The following MAST4 variants were observed in gnomAD, a reference collection of about 807,000 sequenced individuals.
The protein encoded by MAST4 is microtubule-associated serine/threonine-protein kinase 4.
A neutral mutation model predicts 162.7 loss-of-function variants in MAST4; 89 were observed. That is an observed-to-expected ratio of 0.55 (90% CI 0.46 to 0.65). The LOEUF (loss-of-function observed/expected upper bound fraction) is 0.65, where lower values mean the gene tolerates loss of function less well. MAST4 is among the 30% of genes least tolerant of loss of function. The probability of loss-of-function intolerance (pLI) is 0.00; values close to 1 mark genes in which losing one functional copy is unlikely to be tolerated. For missense variants in MAST4, 3,153 were observed against 3,374.0 expected, an observed-to-expected ratio of 0.93 and a Z score of 1.62; for synonymous variants, 1,479 against 1,361.1, an observed-to-expected ratio of 1.09 and a Z score of -1.91.
intron 3 of MAST4, among the ~76,000 whole-genome samples, chr5:66,839,037 G>A (rs1225014280): frequency 2.6e-5 from 4 of 152,166 alleles, no homozygotes; most frequent in African/African-American, 4.8e-5. Context: ...TGAGGAGGTG[G>A]TAGATGATGC....
chr5:67,029,556 TAGGCTGG>T (rs1262833916), intron 4 of MAST4, among the ~76,000 whole-genome samples: 1 of 152,142 alleles, frequency 6.6e-6, no homozygotes, highest in African/African-American at 2.4e-5. Flanking sequence ...AAAAGGAAAT[TAGGCTGG>T]AGAGGTTTGA....
At chr5:66,679,185 G>C (rs898094374) in intron 1 of MAST4, among the ~76,000 whole-genome samples, 2 of 152,196 alleles carry the variant, frequency 1.3e-5, no homozygotes, top group African/African-American at 4.8e-5. Flanking sequence ...AGGTGAAAAT[G>C]ATGTGAGCCT....
chr5:67,102,656 AC>A (rs1765153977), intron 9 of MAST4, 45 bp downstream of exon 9: 1 of 1,479,674 alleles, frequency 6.8e-7, no homozygotes, highest in African/African-American at 1.4e-5. Context: ...ACGAACAGGC[AC>A]CATAGGTTTA....
At chr5:66,891,256 T>C (rs576707481) in intron 3 of MAST4, among the ~76,000 whole-genome samples, 7 of 152,162 alleles carry the variant, frequency 4.6e-5, no homozygotes, top group Non-Finnish European at 8.8e-5. Context: ...ACAACTATTC[T>C]AAATCAGCCC....
chr5:67,078,726 T>G (rs1395717883), intron 5 of MAST4, among the ~76,000 whole-genome samples: 2 of 137,334 alleles, frequency 1.5e-5, no homozygotes, highest in Non-Finnish European at 3.1e-5. Context: ...TATATTATAT[T>G]TATATTTATC....
intron 4 of MAST4, among the ~76,000 whole-genome samples, chr5:66,948,678 ACTT>A (rs1174588168): frequency 2.0e-5 from 3 of 152,166 alleles, no homozygotes; most frequent in African/African-American, 7.2e-5. Context: ...GGCAAGCTGG[ACTT>A]CTTAAGATGG....
intron 1 of MAST4, among the ~76,000 whole-genome samples, chr5:66,640,349 C>T (rs982529674): frequency 2.6e-5 from 4 of 151,210 alleles, no homozygotes; most frequent in Admixed American, 2.6e-4. Context: ...GCTCTGTTGC[C>T]CAGGCTGCAC....
At chr5:67,107,792 T>G (rs1349104592) in intron 10 of MAST4, among the ~76,000 whole-genome samples, 1 of 152,232 alleles carries the variant, frequency 6.6e-6, no homozygotes, top group African/African-American at 2.4e-5. Flanking sequence ...TGCTTTTATG[T>G]CTCCATTCTT....
At chr5:67,137,133 A>G (rs1769760067) in intron 19 of MAST4, among the ~76,000 whole-genome samples, 1 of 152,202 alleles carries the variant, frequency 6.6e-6, no homozygotes, top group African/African-American at 2.4e-5. Context: ...CAGTACTTGG[A>G]CTAATTACTA....
chr5:67,146,773 A>G (rs1771135873), intron 23 of MAST4, among the ~76,000 whole-genome samples: 1 of 152,190 alleles, frequency 6.6e-6, no homozygotes, highest in African/African-American at 2.4e-5. Flanking sequence ...AATTCCACTT[A>G]TCCTAATCAT....
intron 2 of MAST4, 63 bp from the exon 3 acceptor site, chr5:66,788,607 C>CCAAACAAAAAAAAAACA: frequency 7.3e-7 from 1 of 1,373,728 alleles, no homozygotes; most frequent in Non-Finnish European, 1.0e-6. Context: ...CCCCCACCCC[C>CCAAACAAAAAAAAAACA]ATTGCAATAA....
chr5:66,637,732 G>T (rs1002082663), intron 1 of MAST4, among the ~76,000 whole-genome samples: 1 of 151,890 alleles, frequency 6.6e-6, no homozygotes, highest in Admixed American at 6.6e-5. Context: ...TTGAGACAGG[G>T]TCTTACTCTG....
rs530831310 is a variant in MAST4 at position 66,655,265 on chromosome 5, T to G, written c.363+58247T>G. Among the ~76,000 whole-genome samples, 80 of 152,278 alleles carry G rather than the reference T, an allele frequency of 5.3e-4. No homozygotes were observed. In the South Asian group the frequency reaches 0.015, roughly 29 times the overall value. On this transcript the variant is annotated intron_variant, in intron 1 of 28. Transcript: ENST00000403625. Reference sequence around the variant, plus strand: ...TTAAAATAAAAAAAATTGGGGTTCATGGGATTTTCATAGATGAATAAGTTT... The same window carrying G: ...TTAAAATAAAAAAAATTGGGGTTCAGGGGATTTTCATAGATGAATAAGTTT...
chr5:66,680,654 G>T (rs1163921332), intron 1 of MAST4, among the ~76,000 whole-genome samples: 1 of 152,130 alleles, frequency 6.6e-6, no homozygotes, highest in Non-Finnish European at 1.5e-5. Context: ...CATACTTCTG[G>T]GGGAGAGAAA....
intron 3 of MAST4, among the ~76,000 whole-genome samples, chr5:66,815,339 A>G (rs949513387): frequency 2.6e-5 from 4 of 152,318 alleles, no homozygotes; most frequent in Non-Finnish European, 4.4e-5. Flanking sequence ...TGTGGTTTAA[A>G]TGGGTGAATA....
intron 1 of MAST4, among the ~76,000 whole-genome samples, chr5:66,691,705 C>T (rs926377808): frequency 6.6e-6 from 1 of 152,060 alleles, no homozygotes; most frequent in Non-Finnish European, 1.5e-5. Flanking sequence ...CCTGAGATAG[C>T]TTTTATAAGG....
chr5:66,992,685 GA>G (rs1750191363), intron 4 of MAST4, among the ~76,000 whole-genome samples: 1 of 152,230 alleles, frequency 6.6e-6, no homozygotes, highest in African/African-American at 2.4e-5. Flanking sequence ...AGTTGTGAAA[GA>G]GGAAGAAATG....
chr5:66,608,677 C>G (rs1456644506), intron 1 of MAST4, among the ~76,000 whole-genome samples: 2 of 151,924 alleles, frequency 1.3e-5, no homozygotes, highest in Admixed American at 6.6e-5. Flanking sequence ...GTCATCTCAC[C>G]CATTCAAATG....
intron 4 of MAST4, among the ~76,000 whole-genome samples, chr5:66,933,595 G>A (rs1419836296): frequency 6.6e-6 from 1 of 152,026 alleles, no homozygotes; most frequent in Non-Finnish European, 1.5e-5. Flanking sequence ...GCTCTCTCAT[G>A]GACCTTCTCC....
Sources: gnomAD v4.1 joint callset for allele counts (sites outside exome capture counted in the v4.1 genomes callset) on GRCh38, gnomAD v4.1.1 for gene constraint, MANE v1.5 for transcripts, NCBI Gene and HGNC (gene_info 2026-07-23, HGNC 2026-07-21) for gene names.